Variants in OAF observed in about 807,000 individuals in gnomAD.
OAF encodes out at first protein homolog.
A neutral mutation model predicts 22.5 loss-of-function variants in OAF; 13 were observed. The observed-to-expected ratio is 0.58, with a 90% CI of 0.38 to 0.92. The LOEUF (loss-of-function observed/expected upper bound fraction) is 0.92. Ranked by LOEUF, OAF falls within the 40% of genes least tolerant of loss-of-function variation. The probability of loss-of-function intolerance (pLI) is 0.00; values close to 1 mark genes in which losing one functional copy is unlikely to be tolerated. For synonymous variants in OAF, 175 were observed against 170.5 expected, an observed-to-expected ratio of 1.03 and a Z score of -0.21; for missense variants, 347 against 381.8, an observed-to-expected ratio of 0.91 and a Z score of 0.76.
chr11:120,223,905 C>T (rs1938315168), intron 1 of OAF, among the ~76,000 whole-genome samples: 1 of 152,178 alleles, frequency 6.6e-6, no homozygotes, highest in South Asian at 2.1e-4. Context: ...GGTATCAAGT[C>T]TCACCTGGCA....
chr11:120,225,409 T>A (rs746244114), intron 1 of OAF, among the ~76,000 whole-genome samples: 6 of 152,146 alleles, frequency 3.9e-5, no homozygotes, highest in Non-Finnish European at 8.8e-5. Flanking sequence ...CCGAGAGGAA[T>A]CATCAGCTGG....
chr11:120,222,934 CAAA>C (rs1290906525), intron 1 of OAF, among the ~76,000 whole-genome samples: 1 of 136,014 alleles, frequency 7.4e-6, no homozygotes, highest in African/African-American at 2.8e-5. Context: ...AAACAAAAAA[CAAA>C]AAAAGAAGTC....
chr11:120,229,294 C>T lies in OAF; in HGVS notation c.*152C>T. ...GCCCCTCTGGCCCCATCTCACATGA[C>T]TGTGAAGGGGGTGTGGCATGGCAGG... On this transcript the variant is annotated 3_prime_UTR_variant, in exon 4 of 4. Transcript: ENST00000328965. The T allele has an allele frequency of 2.9e-6, 2 of 695,630 alleles. No individual in the cohort carries two copies. The highest frequency in any genetic ancestry group is 3.6e-5 in the African/African-American group (2 of 55,678). The allele number at this position is 695,630 out of a possible 1,614,324, so 43.1% of individuals were successfully genotyped here.
intron 1 of OAF, among the ~76,000 whole-genome samples, chr11:120,224,686 A>T (rs911794173): frequency 6.6e-6 from 1 of 152,216 alleles, no homozygotes; most frequent in Admixed American, 6.5e-5. Context: ...GTGCAGAGCC[A>T]TAGGGGTTCC....
chr11:120,225,882 C>A, intron 2 of OAF, 87 bp downstream of exon 2: 1 of 1,269,074 alleles, frequency 7.9e-7, no homozygotes, highest in East Asian at 2.6e-5. Context: ...CGGCCCAGAT[C>A]CTGACCTGCA....
At chr11:120,222,448 C>T (rs1938290492) in intron 1 of OAF, among the ~76,000 whole-genome samples, 1 of 152,038 alleles carries the variant, frequency 6.6e-6, no homozygotes, top group Admixed American at 6.6e-5. Context: ...CCCAGCTACT[C>T]CAGAGGCTGA....
intron 1 of OAF, among the ~76,000 whole-genome samples, chr11:120,223,730 C>T (rs914260226): frequency 1.3e-5 from 2 of 152,202 alleles, no homozygotes; most frequent in Admixed American, 6.5e-5. Context: ...CTGAGACTTC[C>T]GGATATTTCC....
At chr11:120,227,169 G>A (rs370674590) in intron 3 of OAF, among the ~76,000 whole-genome samples, 173 bp downstream of exon 3, 70 of 152,314 alleles carry the variant, frequency 4.6e-4, no homozygotes, top group African/African-American at 1.7e-3. Flanking sequence ...CTACAGAGAT[G>A]TACTGGCGCA....
chr11:120,211,382 C>T lies in OAF; in HGVS notation c.103C>T (p.Arg35Cys), dbSNP rs1422446026. ...GTGAPAELRV[R>C]VRLPDGQVTE... is the part of the protein sequence containing the mutation. ...GGGTGCGCCGGCCGAGCTGCGGGTC[C>T]GCGTGCGGCTGCCGGACGGCCAGGT... is the stretch of plus-strand genomic sequence containing the variant. Residue 35 changes from arginine (R) to cysteine (C), a missense_variant, in exon 1 of 4, where the codon CGC becomes TGC. Coordinates refer to ENST00000328965, the MANE Select transcript of OAF (RefSeq NM_178507.4). The T allele has an allele frequency of 3.4e-6, 5 of 1,464,144 alleles. No individual in the cohort carries two copies. The highest frequency in any genetic ancestry group is 1.3e-5 in the South Asian group (1 of 77,024). The allele number at this position is 1,464,144 out of a possible 1,614,324, so 90.7% of individuals were successfully genotyped here.
At chr11:120,226,732 G>T in intron 2 of OAF, 84 bp from the exon 3 acceptor site, 1 of 1,323,076 alleles carries the variant, frequency 7.6e-7, no homozygotes, top group Non-Finnish European at 1.0e-6. Flanking sequence ...GTCAGCTTGG[G>T]CTCGCCTGAC....
intron 1 of OAF, among the ~76,000 whole-genome samples, chr11:120,215,440 A>G (rs1439434753): frequency 6.6e-6 from 1 of 152,194 alleles, no homozygotes; most frequent in Admixed American, 6.5e-5. Context: ...CTCAGGTTAA[A>G]TGAGGGTAGG....
At chr11:120,214,753 G>T (rs566182256) in intron 1 of OAF, among the ~76,000 whole-genome samples, 3 of 152,356 alleles carry the variant, frequency 2.0e-5, no homozygotes, top group Admixed American at 6.5e-5. Context: ...CAGCAAAGCA[G>T]TCACAGTCGT....
intron 1 of OAF, among the ~76,000 whole-genome samples, chr11:120,223,568 G>T (rs1938309246): frequency 6.6e-6 from 1 of 152,114 alleles, no homozygotes; most frequent in South Asian, 2.1e-4. Flanking sequence ...ACAGCATTTT[G>T]TTATTGTCAT....
At chr11:120,220,898 G>T (rs113811577) in intron 1 of OAF, among the ~76,000 whole-genome samples, 16 of 152,184 alleles carry the variant, frequency 1.1e-4, no homozygotes, top group African/African-American at 3.4e-4. Flanking sequence ...AAGGGCATTC[G>T]GCCACTCGGG....
At chr11:120,228,147 C>T (rs368159360) in intron 3 of OAF, among the ~76,000 whole-genome samples, 9 of 151,892 alleles carry the variant, frequency 5.9e-5, no homozygotes, top group South Asian at 4.2e-4. Context: ...TGCAATGGCA[C>T]GATCTCGGCT....
At chr11:120,223,572 T>G (rs1166680853) in intron 1 of OAF, among the ~76,000 whole-genome samples, 13 of 151,622 alleles carry the variant, frequency 8.6e-5, no homozygotes, top group Non-Finnish European at 1.9e-4. Flanking sequence ...CATTTTGTTA[T>G]TGTCATTGAT....
intron 1 of OAF, among the ~76,000 whole-genome samples, chr11:120,223,927 C>G (rs1475413970): frequency 6.6e-6 from 1 of 152,162 alleles, no homozygotes; most frequent in East Asian, 1.9e-4. Context: ...GAATTGAGCC[C>G]AGAATGGAAT....
In OAF at chr11:120,211,396, G is replaced by T; in HGVS notation, c.117G>T (p.Pro39=). 1 of 1,491,492 alleles carries T rather than the reference G, an allele frequency of 6.7e-7. No homozygotes were observed. Among genetic ancestry groups the T allele is most frequent in the Non-Finnish European group, 9.0e-7 (1 of 1,116,112 alleles). 92.4% of individuals were successfully genotyped at this position (1,491,492 alleles called of 1,614,324 possible). Residue 39 remains proline, a synonymous_variant, in exon 1 of 4, where the codon CCG becomes CCT. Transcript: ENST00000328965. ...PAELRVRVRL[P]DGQVTEESLQ... is the part of the protein sequence containing the mutation. ...AGCTGCGGGTCCGCGTGCGGCTGCC[G>T]GACGGCCAGGTGACCGAGGAGAGCC...
intron 1 of OAF, among the ~76,000 whole-genome samples, chr11:120,218,696 G>T (rs565889574): frequency 6.6e-6 from 1 of 152,174 alleles, no homozygotes; most frequent in Non-Finnish European, 1.5e-5. Flanking sequence ...GCCCTAGAGC[G>T]ATGACCTGCA....
Sources: allele counts gnomAD v4.1 joint callset (sites outside exome capture counted in the v4.1 genomes callset), GRCh38; gene constraint gnomAD v4.1.1; transcripts MANE v1.5; gene names NCBI Gene and HGNC (gene_info 2026-07-23, HGNC 2026-07-21).